The following CORO2B variants were observed in gnomAD, a reference collection of about 807,000 sequenced individuals.
CORO2B encodes coronin 2B.
A neutral mutation model predicts 58.8 loss-of-function variants in CORO2B; 26 were observed. That is an observed-to-expected ratio of 0.44 (90% confidence interval 0.32 to 0.61). The LOEUF (loss-of-function observed/expected upper bound fraction) is 0.61, where lower values mean the gene tolerates loss of function less well. Among genes scored for constraint, CORO2B ranks in the 20% least tolerant of loss-of-function variants. The pLI is 0.04. For synonymous variants in CORO2B, 242 were observed against 253.8 expected, an observed-to-expected ratio of 0.95 and a Z score of 0.44; for missense variants, 460 against 645.1, an observed-to-expected ratio of 0.71 and a Z score of 3.11.
At position 68,721,404 on chromosome 15, in the gene CORO2B, G is replaced by T. The variant is rs117348298; in HGVS notation, c.1311+1852G>T. 4.3e-3 allele frequency among the ~76,000 whole-genome samples: 655 copies of T among 152,160 alleles called. 6 individuals are homozygous for T. Among genetic ancestry groups the T allele is most frequent in the Non-Finnish European group, 4.6e-3 (314 of 68,008 alleles). On this transcript the variant is annotated intron_variant, in intron 11 of 11. Coordinates refer to ENST00000261861, the MANE Select transcript of CORO2B (RefSeq NM_006091.5). ...AGTGTAGGTGGGTGGCAGTAGAGGC[G>T]AAGTAAGAATGGTCATACGGGCTGG...
intron 2 of CORO2B, among the ~76,000 whole-genome samples, chr15:68,648,346 A>AC: frequency 7.1e-6 from 1 of 141,668 alleles, no homozygotes; most frequent in African/African-American, 2.6e-5. Flanking sequence ...AAAAAAAAAA[A>AC]CGAAAGAAAG....
chr15:68,672,159 G>GGTGTGTGGGTGTGT (rs1555415406), intron 2 of CORO2B, among the ~76,000 whole-genome samples: 1 of 146,178 alleles, frequency 6.8e-6, no homozygotes, highest in East Asian at 2.0e-4. Context: ...GTAATCGGGA[G>GGTGTGTGGGTGTGT]GTGTGTGTGT....
chr15:68,581,851 C>T (rs1370135596), intron 1 of CORO2B, among the ~76,000 whole-genome samples: 1 of 152,210 alleles, frequency 6.6e-6, no homozygotes, highest in Non-Finnish European at 1.5e-5. Flanking sequence ...CTAGCCTTCT[C>T]TGCTGCTGCT....
In CORO2B at chr15:68,579,080, G is replaced by C; in HGVS notation, c.-183G>C. On this transcript the variant is annotated 5_prime_UTR_variant, in exon 1 of 12. Coordinates refer to ENST00000261861, the MANE Select transcript of CORO2B (RefSeq NM_006091.5). ...GACATCAGCGACGAGCGGCGGGCGAGCGCCGACGAGCGGTCCCTGCGCGCT... is the reference window on the plus strand; with the variant it reads ...GACATCAGCGACGAGCGGCGGGCGACCGCCGACGAGCGGTCCCTGCGCGCT... 1.0e-6 allele frequency: 1 copy of C among 983,410 alleles called. No homozygotes were observed. The highest frequency in any genetic ancestry group is 1.2e-6 in the Non-Finnish European group (1 of 829,164). 60.9% of individuals were successfully genotyped at this position (983,410 alleles called of 1,614,324 possible). A position where few individuals can be genotyped will look rare whatever the true frequency, so the allele number is the denominator to read the frequency against.
At chr15:68,724,294 C>A (rs62004276) in intron 11 of CORO2B, among the ~76,000 whole-genome samples, 45,103 of 152,128 alleles carry the variant, frequency 0.3, 8,448 homozygotes, top group Non-Finnish European at 0.41. Context: ...TTCAAGGAGG[C>A]CCTCCCTGGT....
chr15:68,644,674 T>G (rs1901364413), intron 1 of CORO2B, among the ~76,000 whole-genome samples: 1 of 152,146 alleles, frequency 6.6e-6, no homozygotes. Context: ...GATGGGGGGT[T>G]GCCTTCTTGC....
the CORO2B span, among the ~76,000 whole-genome samples, chr15:68,520,011 G>A: frequency 6.6e-6 from 1 of 152,008 alleles, no homozygotes; most frequent in Admixed American, 6.5e-5. Flanking sequence ...TCTCATTTCT[G>A]TTGTGATTTT....
the CORO2B span, among the ~76,000 whole-genome samples, chr15:68,554,926 T>C: frequency 6.6e-6 from 1 of 152,086 alleles, no homozygotes; most frequent in Non-Finnish European, 1.5e-5. Context: ...CCTGTCTGAC[T>C]CCAAAACTTA....
rs757369382 is a variant in CORO2B, at chr15:68,711,542, G to A, written c.484G>A (p.Val162Ile). 3 of 1,610,614 alleles carry A rather than the reference G, an allele frequency of 1.9e-6. No individual in the cohort carries two copies. The Admixed American group carries it at 5.0e-5, about 27-fold the overall frequency. ...GCCTCCCATGCATCTGCCCTCGCAG[G>A]TCCTCATCTGGAACCTGGATGTGGG... ...ILFSAGYDYK[V>I]LIWNLDVGEP... Residue 162 changes from valine (V) to isoleucine (I), a missense_variant and splice_region_variant, in exon 5 of 12, where the codon GTC (valine) becomes ATC (isoleucine). Transcript: ENST00000261861.
At chr15:68,593,814 G>A (rs563203457) in intron 1 of CORO2B, among the ~76,000 whole-genome samples, 2 of 152,262 alleles carry the variant, frequency 1.3e-5, no homozygotes, top group South Asian at 4.1e-4. Context: ...CCCATTGTGG[G>A]GTGGGAAGGT....
chr15:68,714,550 C>T lies in CORO2B; in HGVS notation c.766-9C>T, dbSNP rs1404910297. ...TGCAGAGAGGCTGAGACCAGCTCTT[C>T]TCCCTCAGGAGGACCTCTCCATGCC... is the stretch of plus-strand genomic sequence containing the variant. On this transcript the variant is annotated splice_polypyrimidine_tract_variant and intron_variant, in intron 6 of 11. Coordinates refer to ENST00000261861, the MANE Select transcript of CORO2B (RefSeq NM_006091.5). 1 of 1,609,434 alleles carries T rather than the reference C, an allele frequency of 6.2e-7. No individual in the cohort carries two copies. The highest frequency in any genetic ancestry group is 2.2e-5 in the East Asian group (1 of 44,854).
At chr15:68,652,516 A>T (rs1342551512) in intron 2 of CORO2B, among the ~76,000 whole-genome samples, 1 of 152,098 alleles carries the variant, frequency 6.6e-6, no homozygotes, top group Non-Finnish European at 1.5e-5. Flanking sequence ...TGCTACCCCA[A>T]CTGGCACCTG....
the CORO2B span, among the ~76,000 whole-genome samples, chr15:68,566,195 C>A: frequency 6.6e-6 from 1 of 152,152 alleles, no homozygotes; most frequent in Non-Finnish European, 1.5e-5. Flanking sequence ...CTGTTAGAAA[C>A]CCTGTTTTAC....
the CORO2B span, among the ~76,000 whole-genome samples, chr15:68,549,446 G>A: frequency 2.6e-5 from 4 of 151,904 alleles, no homozygotes; most frequent in African/African-American, 4.8e-5. Context: ...GTCTGTTCTC[G>A]TGGTACCAAA....
At chr15:68,706,453 TG>T (rs1892788172) in intron 3 of CORO2B, among the ~76,000 whole-genome samples, 1 of 152,180 alleles carries the variant, frequency 6.6e-6, no homozygotes, top group East Asian at 1.9e-4. Flanking sequence ...CACACCCCAC[TG>T]GCTCATAGGA....
At chr15:68,547,674 C>T in the CORO2B span, among the ~76,000 whole-genome samples, 1 of 152,122 alleles carries the variant, frequency 6.6e-6, no homozygotes, top group African/African-American at 2.4e-5. Context: ...TAAAACACCT[C>T]AGATAAAGTC....
chr15:68,687,668 C>G (rs1411377112), intron 2 of CORO2B, among the ~76,000 whole-genome samples: 2 of 152,158 alleles, frequency 1.3e-5, no homozygotes, highest in Non-Finnish European at 2.9e-5. Flanking sequence ...TGTTGCTGGG[C>G]ACATTTACAA....
intron 1 of CORO2B, among the ~76,000 whole-genome samples, chr15:68,633,204 C>T (rs190836866): frequency 6.6e-6 from 1 of 152,122 alleles, no homozygotes; most frequent in East Asian, 1.9e-4. Context: ...TAGAATGAGG[C>T]GGCCTCCCTT....
chr15:68,539,963 G>A, the CORO2B span, among the ~76,000 whole-genome samples: 16 of 152,230 alleles, frequency 1.1e-4, no homozygotes, highest in Admixed American at 2.6e-4. Context: ...TTACGCAAGC[G>A]TGCAGTTGAA....
Sources: allele counts gnomAD v4.1 joint callset (sites outside exome capture counted in the v4.1 genomes callset), GRCh38; gene constraint gnomAD v4.1.1; transcripts MANE v1.5; gene names NCBI Gene and HGNC (gene_info 2026-07-23, HGNC 2026-07-21).